The following ZNF236 variants were observed in gnomAD, a reference collection of about 807,000 sequenced individuals.
ZNF236 encodes zinc finger protein 236.
In ZNF236, 50 loss-of-function variants were observed where a neutral mutation model predicts 191.2. The observed-to-expected ratio is 0.26, with a 90% CI of 0.21 to 0.33. The LOEUF (loss-of-function observed/expected upper bound fraction) is 0.33. Ranked by LOEUF, ZNF236 falls within the 10% of genes least tolerant of loss-of-function variation. ZNF236 has a pLI of 1.00. For synonymous variants in ZNF236, 907 were observed against 928.8 expected (o/e 0.98, Z 0.43); for missense variants, 1,754 against 2,374.5 (o/e 0.74, Z 5.43).
At chr18:76,840,649 G>A (rs1475479470) in intron 1 of ZNF236, among the ~76,000 whole-genome samples, 2 of 114,016 alleles carry the variant, frequency 1.8e-5, no homozygotes, top group Non-Finnish European at 1.7e-5. Flanking sequence ...TTTTTGAGAC[G>A]GAGTCTTGCT....
At chr18:76,885,180 G>A (rs1300307580) in intron 9 of ZNF236, 2 of 152,558 alleles carry the variant, frequency 1.3e-5, no homozygotes, top group African/African-American at 4.8e-5. Flanking sequence ...CATTCCTGGG[G>A]CGGCGTGCGA....
At chr18:76,891,555 T>C (rs559962234) in intron 9 of ZNF236, among the ~76,000 whole-genome samples, 1 of 152,296 alleles carries the variant, frequency 6.6e-6, no homozygotes, top group Non-Finnish European at 1.5e-5. Flanking sequence ...TTATTTTTAT[T>C]TTTGTAGAGA....
intron 28 of ZNF236, among the ~76,000 whole-genome samples, chr18:76,957,859 G>T (rs1041902993): frequency 5.3e-5 from 8 of 152,154 alleles, no homozygotes; most frequent in African/African-American, 1.9e-4. Flanking sequence ...TACCATTCTG[G>T]ACAGAGGAAC....
chr18:76,951,072 G>T (rs1169897204), intron 27 of ZNF236, among the ~76,000 whole-genome samples: 1 of 152,202 alleles, frequency 6.6e-6, no homozygotes, highest in Admixed American at 6.5e-5. Flanking sequence ...GTAAACAGAC[G>T]TGCTGTCATT....
At chr18:76,873,461 G>T (rs557895685) in intron 5 of ZNF236, among the ~76,000 whole-genome samples, 2 of 152,310 alleles carry the variant, frequency 1.3e-5, no homozygotes, top group South Asian at 4.1e-4. Flanking sequence ...GGAGAGAGCA[G>T]CAGGTCCCAG....
chr18:76,960,839 G>A lies in ZNF236; in HGVS notation c.5403G>A (p.Arg1801=). The A allele has an allele frequency of 6.2e-7, 1 of 1,613,292 alleles. No individual in the cohort carries two copies. The highest frequency in any genetic ancestry group is 8.5e-7 in the Non-Finnish European group (1 of 1,179,486). Residue 1801 remains arginine, a synonymous_variant, in exon 30 of 31, where the codon CGG becomes CGA. Transcript: ENST00000320610. The surrounding 1 kb of genome is among the most constrained non-coding windows in gnomAD (Gnocchi z 4.4). ...QKSNMKLHMK[R]AHSYAGALQE... is the part of the protein sequence containing the mutation. Reference sequence around the variant, plus strand: ...GCAACATGAAGCTGCACATGAAGCGGGCGCACAGCTATGCTGGTGAGAATG... The same window carrying A: ...GCAACATGAAGCTGCACATGAAGCGAGCGCACAGCTATGCTGGTGAGAATG...
Position 76,925,560 on chromosome 18 carries a change from C to T in ZNF236, c.4027+6C>T, listed in dbSNP as rs571438804. The T allele has an allele frequency of 5.8e-5, 94 of 1,609,924 alleles. No homozygotes were observed. Among genetic ancestry groups the T allele is most frequent in the South Asian group, 2.5e-4 (23 of 91,016 alleles). On this transcript the variant is annotated splice_donor_region_variant and intron_variant, in intron 22 of 30. Transcript: ENST00000320610. The surrounding 1 kb of genome is among the most constrained non-coding windows in gnomAD (Gnocchi z 5.7). The stretch of plus-strand genomic sequence containing the variant: ...TCTCCCTGCCTCTGTGTCAGGTAAA[C>T]GCTGAGCCGAGGGAATGAGAGCAGC...
chr18:76,877,498 CAA>C (rs990785723), intron 6 of ZNF236, among the ~76,000 whole-genome samples: 1 of 111,666 alleles, frequency 9.0e-6, no homozygotes. Flanking sequence ...CAGAGCATCT[CAA>C]AAAAAAAAAA....
intron 30 of ZNF236, among the ~76,000 whole-genome samples, chr18:76,965,796 G>C (rs1968758615): frequency 6.6e-6 from 1 of 152,200 alleles, no homozygotes; most frequent in Non-Finnish European, 1.5e-5. Flanking sequence ...TGGCAGGGGG[G>C]TGAAATGGAC....
At chr18:76,867,507 T>C (rs967737540) in intron 3 of ZNF236, among the ~76,000 whole-genome samples, 1 of 152,194 alleles carries the variant, frequency 6.6e-6, no homozygotes, top group African/African-American at 2.4e-5. Flanking sequence ...AAGACTAGTA[T>C]ATGCAGATCA....
At chr18:76,920,920 C>A (rs1306410023) in intron 20 of ZNF236, among the ~76,000 whole-genome samples, 2 of 152,234 alleles carry the variant, frequency 1.3e-5, no homozygotes, top group Non-Finnish European at 2.9e-5. Flanking sequence ...TATCAGCGTT[C>A]TCCTGAAGAA....
intron 26 of ZNF236, among the ~76,000 whole-genome samples, chr18:76,941,226 G>C (rs1337632292): frequency 6.6e-6 from 1 of 152,200 alleles, no homozygotes; most frequent in Non-Finnish European, 1.5e-5. Flanking sequence ...GTGAAGCTTT[G>C]GTGGCAGTGA....
Position 76,927,465 on chromosome 18 carries a change from G to A in ZNF236, c.4362G>A (p.Leu1454=). 1 of 1,614,160 alleles carries A rather than the reference G, an allele frequency of 6.2e-7. No homozygotes were observed. The highest frequency in any genetic ancestry group is 8.5e-7 in the Non-Finnish European group (1 of 1,180,030). Residue 1454 remains leucine, a synonymous_variant, in exon 24 of 31, where the codon CTG becomes CTA. Transcript: ENST00000320610. The surrounding 1 kb of genome is among the most constrained non-coding windows in gnomAD (Gnocchi z 5.4). The part of the protein sequence containing the change: ...SLQPTVTSAN[L]TIGPLSEQDS... ...AGCCCACAGTGACCTCTGCGAACCT[G>A]ACCATAGGCCCGCTGTCTGAGCAGG...
intron 20 of ZNF236, among the ~76,000 whole-genome samples, chr18:76,920,777 G>A (rs1271903076): frequency 6.6e-6 from 1 of 152,072 alleles, no homozygotes; most frequent in East Asian, 1.9e-4. Flanking sequence ...ATTGGCAATC[G>A]GCCAAACAGC....
chr18:76,845,989 A>T (rs1975664913), intron 1 of ZNF236, among the ~76,000 whole-genome samples: 1 of 152,160 alleles, frequency 6.6e-6, no homozygotes, highest in Admixed American at 6.5e-5. Context: ...TGCACAATGG[A>T]GGTGTGTGGA....
intron 13 of ZNF236, among the ~76,000 whole-genome samples, chr18:76,906,566 A>G (rs1438952644): frequency 6.6e-6 from 1 of 152,064 alleles, no homozygotes; most frequent in Non-Finnish European, 1.5e-5. Flanking sequence ...TGTTAAACCA[A>G]ATCTTTTTCA....
intron 4 of ZNF236, 30 bp from the exon 5 acceptor site, chr18:76,871,671 T>C (rs762242910): frequency 1.7e-5 from 27 of 1,613,208 alleles, no homozygotes; most frequent in Non-Finnish European, 2.3e-5. Context: ...GACATCTTAC[T>C]GTGTATTTTG....
intron 6 of ZNF236, 24 bp from the exon 7 acceptor site, chr18:76,877,984 AT>A: frequency 7.2e-6 from 11 of 1,519,014 alleles, no homozygotes; most frequent in South Asian, 3.8e-5. Flanking sequence ...GTAAAACATC[AT>A]TTTTTTCCTT....
Position 76,824,297 on chromosome 18 carries a change from A to G in ZNF236, c.55+1635A>G, listed in dbSNP as rs567763602. 7.7e-6 allele frequency: 6 copies of G among 780,988 alleles called. No homozygotes were observed. The East Asian group carries it at 1.5e-4, about 19-fold the overall frequency. The allele number at this position is 780,988 out of a possible 1,614,324, so 48.4% of individuals were successfully genotyped here. ...TGATTGCACTTGGTAGAGTTAACAC[A>G]CGTGCACATTACGGAAACGTTGGTG... On this transcript the variant is annotated intron_variant, in intron 1 of 30. Coordinates refer to ENST00000320610, the MANE Select transcript of ZNF236 (RefSeq NM_001306089.2).
Sources: gnomAD v4.1 joint callset for allele counts (sites outside exome capture counted in the v4.1 genomes callset) on GRCh38, gnomAD v4.1.1 for gene constraint, Gnocchi (gnomAD v3.1) non-coding constraint, MANE v1.5 for transcripts, NCBI Gene and HGNC (gene_info 2026-07-23, HGNC 2026-07-21) for gene names.